The following PIK3C2G variants were observed in gnomAD, a reference collection of about 807,000 sequenced individuals.
PIK3C2G encodes the protein phosphatidylinositol-4-phosphate 3-kinase catalytic subunit type 2 gamma, also known as phosphatidylinositol 3-kinase C2 domain-containing subunit gamma.
A neutral mutation model predicts 181.1 loss-of-function variants in PIK3C2G; 168 were observed. That is an observed-to-expected ratio of 0.93 (90% confidence interval 0.82 to 1.05). The LOEUF (loss-of-function observed/expected upper bound fraction) is 1.05. Among genes scored for constraint, PIK3C2G ranks in the 50% least tolerant of loss-of-function variants. PIK3C2G has a pLI of 0.00. For missense variants in PIK3C2G, 1,869 were observed against 1,732.8 expected, an observed-to-expected ratio of 1.08 and a Z score of -1.40; for synonymous variants, 573 against 592.2, an observed-to-expected ratio of 0.97 and a Z score of 0.47.
chr12:18,591,294 G>A (rs1947066709), intron 29 of PIK3C2G, among the ~76,000 whole-genome samples: 1 of 151,870 alleles, frequency 6.6e-6, no homozygotes, highest in African/African-American at 2.4e-5. Flanking sequence ...GTGCAGATAA[G>A]AATACCTGCA....
chr12:18,322,554 T>C (rs188713310), intron 7 of PIK3C2G, among the ~76,000 whole-genome samples: 26 of 152,236 alleles, frequency 1.7e-4, no homozygotes, highest in African/African-American at 5.5e-4. Flanking sequence ...AACTCTGTGA[T>C]AGTATATATT....
At chr12:18,346,890 T>C (rs183915028) in intron 11 of PIK3C2G, 54 bp downstream of exon 11, 4 of 1,174,856 alleles carry the variant, frequency 3.4e-6, no homozygotes, top group African/African-American at 3.1e-5. Context: ...AGCTTCTAAG[T>C]AGAATGCAAT....
chr12:18,694,810 A>T, the PIK3C2G span: 1 of 974,696 alleles, frequency 1.0e-6, no homozygotes, highest in South Asian at 1.7e-5. Flanking sequence ...ACAGAAATTT[A>T]AAAGAAATTG....
chr12:18,446,954 C>T (rs10459065), intron 18 of PIK3C2G, among the ~76,000 whole-genome samples: 21,825 of 151,842 alleles, frequency 0.14, 1,763 homozygotes, highest in African/African-American at 0.21. Flanking sequence ...AGAAAGAGTC[C>T]GATGAAATTC....
chr12:18,711,618 G>T, the PIK3C2G span, among the ~76,000 whole-genome samples: 2 of 151,460 alleles, frequency 1.3e-5, no homozygotes, highest in Non-Finnish European at 2.9e-5. Flanking sequence ...AGAAGGAGAA[G>T]TAGGTTACAG....
chr12:18,720,368 T>C, the PIK3C2G span, among the ~76,000 whole-genome samples: 1 of 151,750 alleles, frequency 6.6e-6, no homozygotes, highest in African/African-American at 2.4e-5. Flanking sequence ...CATTTCTGTA[T>C]GGTGCATGCC....
intron 18 of PIK3C2G, among the ~76,000 whole-genome samples, chr12:18,487,695 T>G (rs889144436): frequency 2.0e-5 from 3 of 152,156 alleles, no homozygotes; most frequent in African/African-American, 7.2e-5. Context: ...ATGTTCATGA[T>G]AGGAGCAGAC....
At chr12:18,568,732 A>G (rs1485186076) in intron 29 of PIK3C2G, among the ~76,000 whole-genome samples, 3 of 152,208 alleles carry the variant, frequency 2.0e-5, no homozygotes, top group Non-Finnish European at 2.9e-5. Context: ...GACCAAATAC[A>G]GGGGCACTGT....
At chr12:18,622,704 C>G (rs1321199492) in intron 31 of PIK3C2G, among the ~76,000 whole-genome samples, 1 of 151,756 alleles carries the variant, frequency 6.6e-6, no homozygotes, top group Non-Finnish European at 1.5e-5. Flanking sequence ...TCTCCACATT[C>G]TTGTCGATAA....
chr12:18,455,025 C>T (rs1392074109), intron 18 of PIK3C2G, among the ~76,000 whole-genome samples: 2 of 152,162 alleles, frequency 1.3e-5, no homozygotes, highest in East Asian at 3.9e-4. Context: ...CAAGATTCAA[C>T]TGGAGAAAGA....
intron 12 of PIK3C2G, among the ~76,000 whole-genome samples, chr12:18,364,688 A>G (rs1941511534): frequency 6.6e-6 from 1 of 152,140 alleles, no homozygotes; most frequent in Non-Finnish European, 1.5e-5. Context: ...ACTTGAGGTC[A>G]GAAGTTTGAG....
At chr12:18,600,620 T>G (rs1348391004) in intron 30 of PIK3C2G, among the ~76,000 whole-genome samples, 1 of 151,866 alleles carries the variant, frequency 6.6e-6, no homozygotes, top group African/African-American at 2.4e-5. Context: ...CAAAAGGAAA[T>G]GCAAGAATTA....
chr12:18,424,955 G>T, intron 18 of PIK3C2G: 1 of 201,322 alleles, frequency 5.0e-6, no homozygotes. Flanking sequence ...GGTGTCTATA[G>T]TATGATTGGA....
At chr12:18,570,285 C>T (rs1389978749) in intron 29 of PIK3C2G, among the ~76,000 whole-genome samples, 1 of 151,742 alleles carries the variant, frequency 6.6e-6, no homozygotes, top group Admixed American at 6.6e-5. Flanking sequence ...CTCGGCTCAC[C>T]GCAACCTCTG....
At position 18,640,569 on chromosome 12, in the gene PIK3C2G, C is replaced by T. The variant is rs755384620; in HGVS notation, c.4308+15C>T. 4.5e-6 allele frequency: 7 copies of T among 1,572,820 alleles called. No homozygotes were observed. The highest frequency in any genetic ancestry group is 6.0e-6 in the Non-Finnish European group (7 of 1,159,186). ...ACAATGAAATTGTAAGTATAAGTCA[C>T]CTTTTGTCCAGTCATTTTGTATTTT... On this transcript the variant is annotated intron_variant, in intron 32 of 32. Transcript: ENST00000538779.
At chr12:18,641,147 C>G (rs1346668646) in intron 32 of PIK3C2G, among the ~76,000 whole-genome samples, 2 of 152,092 alleles carry the variant, frequency 1.3e-5, no homozygotes, top group African/African-American at 4.8e-5. Context: ...GTCTCATCCA[C>G]AGGATCCTCC....
chr12:18,297,570 T>C lies in PIK3C2G; in HGVS notation c.1034+3555T>C, dbSNP rs1343322072. Reference sequence around the variant, plus strand: ...AATCTTCTCTTCTAGTTTTTTTGAATATACAATAAATTGTTGTTAACTGTA... The same window carrying C: ...AATCTTCTCTTCTAGTTTTTTTGAACATACAATAAATTGTTGTTAACTGTA... On this transcript the variant is annotated intron_variant, in intron 5 of 32. Coordinates refer to ENST00000538779, the MANE Select transcript of PIK3C2G (RefSeq NM_001288772.2). Among the ~76,000 whole-genome samples the C allele has an allele frequency of 2.6e-5, 4 of 152,152 alleles. No individual in the cohort carries two copies. In the East Asian group the frequency reaches 7.7e-4, roughly 29 times the overall value.
chr12:18,439,854 G>A (rs1338796677), intron 18 of PIK3C2G, among the ~76,000 whole-genome samples: 1 of 151,952 alleles, frequency 6.6e-6, no homozygotes, highest in Admixed American at 6.6e-5. Flanking sequence ...CACACACCAT[G>A]TATAATGAAT....
chr12:18,625,667 A>T (rs1260441067), intron 31 of PIK3C2G, among the ~76,000 whole-genome samples: 1 of 151,810 alleles, frequency 6.6e-6, no homozygotes, highest in Non-Finnish European at 1.5e-5. Context: ...ATCCCTTCAG[A>T]AACTTTAATA....
Sources: allele counts gnomAD v4.1 joint callset (sites outside exome capture counted in the v4.1 genomes callset), GRCh38; gene constraint gnomAD v4.1.1; transcripts MANE v1.5; gene names NCBI Gene and HGNC (gene_info 2026-07-23, HGNC 2026-07-21).